Variants in COL6A6 observed in about 807,000 individuals in gnomAD.
The protein encoded by COL6A6 is collagen alpha-6(VI) chain.
COL6A6 carries 183 observed loss-of-function variants against 208.6 expected under a neutral mutation model. The ratio of observed to expected loss-of-function variants is 0.88; its 90% CI spans 0.78 to 0.99. The LOEUF (loss-of-function observed/expected upper bound fraction) is 0.99, where lower values mean the gene tolerates loss of function less well. COL6A6 is among the 50% of genes least tolerant of loss of function. COL6A6 has a pLI of 0.00. For synonymous variants in COL6A6, 973 were observed against 1,011.8 expected (o/e 0.96, Z 0.73); for missense variants, 2,816 against 2,815.2 (o/e 1.00, Z -0.01).
At chr3:130,663,487 TGAGGAAAAA>T (rs2065990105) in intron 35 of COL6A6, among the ~76,000 whole-genome samples, 1 of 151,702 alleles carries the variant, frequency 6.6e-6, no homozygotes, top group Admixed American at 6.6e-5. Context: ...AAAGAAGAGC[TGAGGAAAAA>T]AAGGAAAAAA....
At chr3:130,592,438 T>C in intron 13 of COL6A6, 103 bp from the exon 14 acceptor site, 3 of 810,194 alleles carry the variant, frequency 3.7e-6, no homozygotes, top group Middle Eastern at 2.5e-4. Flanking sequence ...TTGTGAACCA[T>C]GAGCATTCAC....
intron 10 of COL6A6, among the ~76,000 whole-genome samples, chr3:130,584,679 A>G (rs1287102260): frequency 7.2e-5 from 11 of 151,888 alleles, no homozygotes; most frequent in Admixed American, 6.6e-4. Context: ...CAGTGGTGCC[A>G]TCTCGGCTCA....
Position 130,592,618 on chromosome 3 carries a change from G to C in COL6A6, c.4344+6G>C. 1 of 1,613,376 alleles carries C rather than the reference G, an allele frequency of 6.2e-7. No homozygotes were observed. The highest frequency in any genetic ancestry group is 8.5e-7 in the Non-Finnish European group (1 of 1,179,432). ...ATGGCACCAAAGGTCCTAAGGTAAG[G>C]ATTGCATAAGAGTGTGGAGTTTTCT... On this transcript the variant is annotated splice_donor_region_variant and intron_variant, in intron 14 of 36. Coordinates refer to ENST00000358511, the MANE Select transcript of COL6A6 (RefSeq NM_001102608.3).
chr3:130,554,774 T>G (rs549172534), intron 1 of COL6A6, among the ~76,000 whole-genome samples: 2 of 151,946 alleles, frequency 1.3e-5, no homozygotes, highest in Non-Finnish European at 2.9e-5. Context: ...CATGGGTGAG[T>G]GTTCACTGGT....
chr3:130,649,498 C>A lies in COL6A6; in HGVS notation c.5669C>A (p.Ala1890Glu), dbSNP rs565810607. 3.1e-6 allele frequency: 5 copies of A among 1,606,682 alleles called. No homozygotes were observed. The African/African-American group carries it at 6.7e-5, about 21-fold the overall frequency. The change falls in exon 33 of 37, where the codon GCG (alanine) becomes GAG (glutamate). Residue 1890 changes from alanine (A) to glutamate (E), a missense_variant. Transcript: ENST00000358511. ...ACCACGGCTGCCATGGAGTTCGGCG[C>A]GCTTGAAATCATTCCCGTGGTGATC... is the stretch of plus-strand genomic sequence containing the variant. Reference protein sequence around the residue: ...SITTAAMEFGALEIIPVVITF... With the variant: ...SITTAAMEFGELEIIPVVITF...
At chr3:130,554,869 GCA>G (rs2062732466) in intron 1 of COL6A6, among the ~76,000 whole-genome samples, 2 of 152,138 alleles carry the variant, frequency 1.3e-5, no homozygotes, top group Admixed American at 1.3e-4. Flanking sequence ...CTCTGCTGGA[GCA>G]CTCTGAGGGT....
chr3:130,593,165 A>G (rs765811570), intron 16 of COL6A6, 34 bp from the exon 17 acceptor site: 36 of 1,611,560 alleles, frequency 2.2e-5, no homozygotes, highest in Non-Finnish European at 3.1e-5. Context: ...GAAAACGAGA[A>G]TTCTATTAAT....
chr3:130,539,697 A>G (rs1202795445), intron 1 of COL6A6, among the ~76,000 whole-genome samples: 1 of 152,178 alleles, frequency 6.6e-6, no homozygotes, highest in East Asian at 1.9e-4. Flanking sequence ...ACCATGAAAA[A>G]TTATGGGCTC....
chr3:130,570,955 C>G lies in COL6A6; in HGVS notation c.2539C>G (p.Arg847Gly), dbSNP rs539130714. 6.2e-7 allele frequency: 1 copy of G among 1,613,816 alleles called. No individual in the cohort carries two copies. Among genetic ancestry groups the G allele is most frequent in the Non-Finnish European group, 8.5e-7 (1 of 1,179,888 alleles). The change falls in exon 7 of 37, where the codon CGG becomes GGG. Residue 847 changes from arginine (R) to glycine (G), a missense_variant. By Grantham distance (125) the Arg-to-Gly change is moderately radical. Transcript: ENST00000358511. The part of the protein sequence containing the change: ...KKADVGKNQV[R>G]FGALKYADDP... ...AGCTGATGTGGGCAAGAATCAGGTCCGGTTTGGGGCTCTGAAGTATGCTGA... is the reference window on the plus strand; with the variant it reads ...AGCTGATGTGGGCAAGAATCAGGTCGGGTTTGGGGCTCTGAAGTATGCTGA...
At chr3:130,608,626 G>A (rs1396179322) in intron 21 of COL6A6, among the ~76,000 whole-genome samples, 1 of 151,962 alleles carries the variant, frequency 6.6e-6, no homozygotes, top group Non-Finnish European at 1.5e-5. Flanking sequence ...AATTTTATAA[G>A]AAAGGGGTGG....
At chr3:130,653,514 G>C (rs1010434840) in intron 33 of COL6A6, among the ~76,000 whole-genome samples, 1 of 152,106 alleles carries the variant, frequency 6.6e-6, no homozygotes, top group Non-Finnish European at 1.5e-5. Flanking sequence ...ATGATGTTTA[G>C]AGAAGAAAGA....
chr3:130,642,863 T>C lies in COL6A6; in HGVS notation c.5186T>C (p.Phe1729Ser). 6.2e-7 allele frequency: 1 copy of C among 1,613,982 alleles called. No individual in the cohort carries two copies. Among genetic ancestry groups the C allele is most frequent in the Non-Finnish European group, 8.5e-7 (1 of 1,179,852 alleles). Residue 1729 changes from phenylalanine (F) to serine (S), a missense_variant, in exon 30 of 37, where the codon TTT (phenylalanine) becomes TCT (serine). Phe to Ser is a radical substitution (Grantham distance 155, BLOSUM62 -2). Transcript: ENST00000358511. ...AAAGGAGCCAAAGGCTTGGCTTCAT[T>C]TTCTGTACGTATCTCCCGACTACAA... Reference protein sequence around the residue: ...GVKGAKGLASFSTCELIQYVR... With the variant: ...GVKGAKGLASSSTCELIQYVR...
Position 130,566,940 on chromosome 3 carries a change from G to A in COL6A6, c.1521G>A (p.Arg507=), listed in dbSNP as rs1237397949. The part of the protein sequence containing the change: ...QDLGKAIENI[R]QMGGNTNTGA... ...TGGGAAAGGCCATTGAGAATATCAG[G>A]CAGATGGGTGGGAATACAAACACAG... Residue 507 remains arginine (R), a synonymous_variant, in exon 5 of 37, where the codon AGG becomes AGA. Coordinates refer to ENST00000358511, the MANE Select transcript of COL6A6 (RefSeq NM_001102608.3). 3.7e-6 allele frequency: 6 copies of A among 1,613,794 alleles called. No homozygotes were observed. The highest frequency in any genetic ancestry group is 3.4e-6 in the Non-Finnish European group (4 of 1,179,826).
chr3:130,647,597 CT>C (rs1329112287), intron 32 of COL6A6, among the ~76,000 whole-genome samples: 1 of 152,334 alleles, frequency 6.6e-6, no homozygotes, highest in Admixed American at 6.5e-5. Context: ...ACTGGTACTT[CT>C]TTTGCCTTTG....
intron 21 of COL6A6, 31 bp from the exon 22 acceptor site, chr3:130,608,871 G>C: frequency 6.8e-7 from 1 of 1,467,410 alleles, no homozygotes; most frequent in South Asian, 1.1e-5. Context: ...TCAGGAAACA[G>C]TGTTAACAGA....
chr3:130,553,281 C>T (rs892867363), intron 1 of COL6A6, among the ~76,000 whole-genome samples: 1 of 152,210 alleles, frequency 6.6e-6, no homozygotes, highest in African/African-American at 2.4e-5. Flanking sequence ...TTCAGGAATG[C>T]CAATGAGTCA....
At chr3:130,645,909 G>C (rs1312724129) in intron 32 of COL6A6, among the ~76,000 whole-genome samples, 1 of 152,086 alleles carries the variant, frequency 6.6e-6, no homozygotes, top group African/African-American at 2.4e-5. Context: ...TCCTCTGATT[G>C]CTTATCCATG....
chr3:130,639,763 C>T (rs1203793921), intron 28 of COL6A6, among the ~76,000 whole-genome samples: 1 of 151,372 alleles, frequency 6.6e-6, no homozygotes, highest in African/African-American at 2.4e-5. Context: ...CTACCGGTTT[C>T]CCAAAGAGAG....
rs2063248203 is a variant in COL6A6, at chr3:130,574,476, G to A, written c.3498G>A (p.Lys1166=). Reference sequence around the variant, plus strand: ...TGCACAACTTCGATGAACTGAAGAAGGTCAATAAAAGGATCGTTCGCAACA... The same window carrying A: ...TGCACAACTTCGATGAACTGAAGAAAGTCAATAAAAGGATCGTTCGCAACA... ...LTVHNFDELK[K]VNKRIVRNIC... The change falls in exon 8 of 37, where the codon AAG becomes AAA. Residue 1166 remains lysine (K), a synonymous_variant. Transcript: ENST00000358511. 1 of 1,614,010 alleles carries A rather than the reference G, an allele frequency of 6.2e-7. No individual in the cohort carries two copies. The highest frequency in any genetic ancestry group is 8.5e-7 in the Non-Finnish European group (1 of 1,179,898).
Sources: allele counts gnomAD v4.1 joint callset (sites outside exome capture counted in the v4.1 genomes callset), GRCh38; gene constraint gnomAD v4.1.1; transcripts MANE v1.5; gene names NCBI Gene and HGNC (gene_info 2026-07-23, HGNC 2026-07-21).